TRIM66: variants seen among roughly 807,000 people sequenced by gnomAD.
TRIM66 encodes the protein tripartite motif containing 66, also known as tripartite motif-containing protein 66.
In TRIM66, 99 loss-of-function variants were observed where a neutral mutation model predicts 148.2. The observed-to-expected ratio is 0.67, with a 90% confidence interval of 0.57 to 0.79. The LOEUF is 0.79. Among genes scored for constraint, TRIM66 ranks in the 30% least tolerant of loss-of-function variants. The probability of loss-of-function intolerance (pLI) is 0.00; values close to 1 mark genes in which losing one functional copy is unlikely to be tolerated. For missense variants in TRIM66, 1,666 were observed against 1,697.9 expected (o/e 0.98, Z 0.33); for synonymous variants, 616 against 635.9 (o/e 0.97, Z 0.47).
chr11:8,664,857 C>A (rs1403456844), intron 6 of TRIM66, among the ~76,000 whole-genome samples: 1 of 152,152 alleles, frequency 6.6e-6, no homozygotes, highest in Non-Finnish European at 1.5e-5. Flanking sequence ...AGGAGTACAG[C>A]CCTGGGGAGG....
chr11:8,657,568 A>T (rs567572635), intron 6 of TRIM66, among the ~76,000 whole-genome samples: 45 of 152,282 alleles, frequency 3.0e-4, no homozygotes, highest in South Asian at 1.2e-3. Context: ...AGCCACAGGT[A>T]AGATGCTCTA....
chr11:8,650,350 G>A (rs1407990636), intron 7 of TRIM66, among the ~76,000 whole-genome samples: 1 of 152,100 alleles, frequency 6.6e-6, no homozygotes, highest in African/African-American at 2.4e-5. Flanking sequence ...TCCAGCCTGG[G>A]CAACAGAGGA....
In TRIM66 at chr11:8,618,881, C is replaced by A. The variant is rs1378197129; in HGVS notation, c.3988G>T (p.Ala1330Ser). 10 of 1,551,304 alleles carry A rather than the reference C, an allele frequency of 6.4e-6. No homozygotes were observed. The African/African-American group carries it at 1.2e-4, about 19-fold the overall frequency. ...LKEIYPEKRF[A>S]QPRQEDSDSE... The stretch of plus-strand genomic sequence containing the variant: ...TCTGAGTCCTCCTGCCTTGGCTGGG[C>A]AAACCGTTTCTCCGGGTAGATCTCC... The change falls in exon 24 of 25, where the codon GCC becomes TCC. Residue 1330 changes from alanine to serine, a missense_variant. Ala to Ser is a moderately conservative substitution (Grantham distance 99). This residue lies in a region of TRIM66 where 204 missense variants were observed against 231.0 expected (regional missense o/e 0.88). Coordinates refer to ENST00000646038, the MANE Select transcript of TRIM66 (RefSeq NM_001388022.1).
chr11:8,624,690 G>T (rs12803166), intron 16 of TRIM66, 23 bp downstream of exon 16: 928,551 of 1,480,496 alleles, frequency 0.63, 294,551 homozygotes, highest in Non-Finnish European at 0.65. Context: ...AGGAAGTTTG[G>T]ATAGCATTTC....
intron 6 of TRIM66, among the ~76,000 whole-genome samples, chr11:8,652,773 G>A (rs182334083): frequency 6.6e-6 from 1 of 152,320 alleles, no homozygotes; most frequent in East Asian, 1.9e-4. Context: ...GAAAGGGGTT[G>A]GCTATGGCAG....
At chr11:8,665,342 C>T (rs1399475461) in intron 6 of TRIM66, among the ~76,000 whole-genome samples, 2 of 152,214 alleles carry the variant, frequency 1.3e-5, no homozygotes, top group South Asian at 2.1e-4. Context: ...GATTTGGGAG[C>T]CATTCTTTTG....
intron 3 of TRIM66, among the ~76,000 whole-genome samples, chr11:8,676,700 C>T (rs1195209436): frequency 6.6e-6 from 1 of 152,202 alleles, no homozygotes; most frequent in Admixed American, 6.5e-5. Context: ...CAAATGACCC[C>T]ATTTCTGCCC....
chr11:8,620,158 G>A (rs2034068768), intron 21 of TRIM66, 34 bp from the exon 22 acceptor site: 4 of 1,540,954 alleles, frequency 2.6e-6, no homozygotes, highest in South Asian at 1.2e-5. Context: ...GAGTCACTTT[G>A]TTCTGGTCTC....
In TRIM66 at chr11:8,614,763, T is replaced by A. The variant is rs930038665; in HGVS notation, c.*3181A>T. 2.0e-5 allele frequency: 3 copies of A among 152,260 alleles called. No homozygotes were observed. Among genetic ancestry groups the A allele is most frequent in the African/African-American group, 7.3e-5 (3 of 41,374 alleles). The allele number at this position is 152,260 out of a possible 1,614,324, so 9.4% of individuals were successfully genotyped here. A position where few individuals can be genotyped will look rare whatever the true frequency, so the allele number is the denominator to read the frequency against. ...CAGGGAGGGAGCCAGAGTCCGCTGG[T>A]GGGGGATGGCAGGGACTGCCATGGA... On this transcript the variant is annotated 3_prime_UTR_variant, in exon 25 of 25. Transcript: ENST00000646038.
intron 12 of TRIM66, chr11:8,644,398 T>C (rs2036666927): frequency 2.2e-6 from 1 of 453,510 alleles, no homozygotes; most frequent in Non-Finnish European, 4.4e-6. Flanking sequence ...TGGTGCTACT[T>C]ACCAATGTTT....
chr11:8,671,574 A>T (rs1324414906), intron 6 of TRIM66, among the ~76,000 whole-genome samples: 4 of 152,238 alleles, frequency 2.6e-5, no homozygotes, highest in African/African-American at 9.6e-5. Flanking sequence ...AGGAAATCCC[A>T]AACATGAAAA....
intron 11 of TRIM66, among the ~76,000 whole-genome samples, chr11:8,646,234 G>A (rs993179826): frequency 6.6e-6 from 1 of 152,188 alleles, no homozygotes; most frequent in South Asian, 2.1e-4. Context: ...CTGCCTAAGA[G>A]ACATAGCATC....
chr11:8,670,583 G>T (rs2038877906), intron 6 of TRIM66, among the ~76,000 whole-genome samples: 1 of 152,076 alleles, frequency 6.6e-6, no homozygotes, highest in Non-Finnish European at 1.5e-5. Flanking sequence ...TACTTACAAA[G>T]AAAATAAATT....
chr11:8,658,504 T>C (rs2038022360), intron 6 of TRIM66, among the ~76,000 whole-genome samples: 1 of 152,162 alleles, frequency 6.6e-6, no homozygotes, highest in South Asian at 2.1e-4. Flanking sequence ...GCAGCTCATT[T>C]AAATAGAGCT....
chr11:8,646,296 A>T, intron 11 of TRIM66, 151 bp downstream of exon 11: 1 of 682,970 alleles, frequency 1.5e-6, no homozygotes, highest in Non-Finnish European at 2.5e-6. Context: ...CCCTCCCAAA[A>T]TTAGGCTGAC....
At chr11:8,668,256 A>C (rs2038720311) in intron 6 of TRIM66, among the ~76,000 whole-genome samples, 1 of 151,558 alleles carries the variant, frequency 6.6e-6, no homozygotes, top group Non-Finnish European at 1.5e-5. Flanking sequence ...TGCCCATTTT[A>C]AAATCAGGTT....
rs1168218244 is a variant in TRIM66 at position 8,615,831 on chromosome 11, G to T, written c.*2113C>A. ...TAACAGGTATTTCTGCTTTAAATTT[G>T]TGGTCTCCAATTGCTCCTGAGGAAG... On this transcript the variant is annotated 3_prime_UTR_variant, in exon 25 of 25. Transcript: ENST00000646038. 1 of 152,172 alleles carries T rather than the reference G, an allele frequency of 6.6e-6. No individual in the cohort carries two copies. The highest frequency in any genetic ancestry group is 6.5e-5 in the Admixed American group (1 of 15,282). 9.4% of individuals were successfully genotyped at this position (152,172 alleles called of 1,614,324 possible). A position where few individuals can be genotyped will look rare whatever the true frequency, so the allele number is the denominator to read the frequency against.
rs1363580530 is a variant in TRIM66, at chr11:8,621,334, G to A, written c.3256-13C>T. 1.3e-6 allele frequency: 2 copies of A among 1,546,042 alleles called. No individual in the cohort carries two copies. The highest frequency in any genetic ancestry group is 8.7e-7 in the Non-Finnish European group (1 of 1,143,802). ...TGTCCTGGCTGACCTTGGGGAAGAAGTAAGTCTGGGCAGCCAGAGCACAGA... is the reference window on the plus strand; with the variant it reads ...TGTCCTGGCTGACCTTGGGGAAGAAATAAGTCTGGGCAGCCAGAGCACAGA... On this transcript the variant is annotated splice_polypyrimidine_tract_variant and intron_variant, in intron 19 of 24. Transcript: ENST00000646038.
At position 8,621,738 on chromosome 11, in the gene TRIM66, A is replaced by C. The variant is rs929475979; in HGVS notation, c.3162T>G (p.Pro1054=). ...KICAASSGEM[P]VFKLKPQKND... is the part of the protein sequence containing the mutation. ...TCTTCTGTGGCTTCAGTTTGAACAC[A>C]GGCATCTCTCCTGAGGAGGCAGCAC... The change falls in exon 19 of 25, where the codon CCT becomes CCG. Residue 1054 remains proline (P), a synonymous_variant. Coordinates refer to ENST00000646038, the MANE Select transcript of TRIM66 (RefSeq NM_001388022.1). 5.8e-6 allele frequency: 9 copies of C among 1,551,544 alleles called. No individual in the cohort carries two copies. The highest frequency in any genetic ancestry group is 7.8e-6 in the Non-Finnish European group (9 of 1,147,010).
Sources: allele counts gnomAD v4.1 joint callset (sites outside exome capture counted in the v4.1 genomes callset), GRCh38; gene constraint gnomAD v4.1.1; regional missense constraint gnomAD v4.1.1; transcripts MANE v1.5; gene names NCBI Gene and HGNC (gene_info 2026-07-23, HGNC 2026-07-21).